The following RPS6KA2 variants were observed in gnomAD, a reference collection of about 807,000 sequenced individuals.
The protein encoded by RPS6KA2 is ribosomal protein S6 kinase alpha-2.
Under a neutral mutation model 91.8 loss-of-function variants are expected in RPS6KA2, and 42 were observed. The observed-to-expected ratio is 0.46, with a 90% CI of 0.36 to 0.59. RPS6KA2 has a LOEUF of 0.59. RPS6KA2 is among the 20% of genes least tolerant of loss of function. RPS6KA2 has a pLI of 0.00. For missense variants in RPS6KA2, 798 were observed against 978.5 expected (o/e 0.82, Z 2.46); for synonymous variants, 414 against 393.6 (o/e 1.05, Z -0.61).
Position 166,433,298 on chromosome 6 carries a change from G to A in RPS6KA2, c.1333-808C>T, listed in dbSNP as rs1023116836. Among the ~76,000 whole-genome samples, 4 of 150,670 alleles carry A rather than the reference G, an allele frequency of 2.7e-5. No homozygotes were observed. Among genetic ancestry groups the A allele is most frequent in the Non-Finnish European group, 4.4e-5 (3 of 67,776 alleles). On this transcript the variant is annotated intron_variant, in intron 14 of 20. Transcript: ENST00000265678. The surrounding 1 kb of genome is among the most constrained non-coding windows in gnomAD (Gnocchi z 4.4). The stretch of plus-strand genomic sequence containing the variant: ...AGACATATGCAAGCTCCCCTCCCCC[G>A]CCCAGCATCTGTATCCGATGTCTTA...
At chr6:166,483,459 C>T (rs549720128) in intron 10 of RPS6KA2, among the ~76,000 whole-genome samples, 3 of 152,262 alleles carry the variant, frequency 2.0e-5, no homozygotes, top group East Asian at 1.9e-4. Flanking sequence ...GAGGACGGCC[C>T]GCAAACGCTC....
At chr6:166,725,649 GT>G (rs1449243869) in intron 2 of RPS6KA2, among the ~76,000 whole-genome samples, 1 of 152,254 alleles carries the variant, frequency 6.6e-6, no homozygotes, top group Non-Finnish European at 1.5e-5. Flanking sequence ...GGGTGAGCCA[GT>G]GGGGGGTGGG....
intron 2 of RPS6KA2, among the ~76,000 whole-genome samples, chr6:166,796,365 C>T (rs1220935295): frequency 6.6e-6 from 1 of 152,036 alleles, no homozygotes; most frequent in African/African-American, 2.4e-5. Flanking sequence ...CCGAGGCGGG[C>T]GGATCACGAG....
intron 10 of RPS6KA2, 144 bp downstream of exon 10, chr6:166,488,689 A>G (rs1054080091): frequency 3.5e-5 from 21 of 602,382 alleles, no homozygotes; most frequent in Non-Finnish European, 5.6e-5. Flanking sequence ...CACTGGTACT[A>G]TTTCAACCTC....
At chr6:166,487,269 C>T (rs1781443799) in intron 10 of RPS6KA2, among the ~76,000 whole-genome samples, 1 of 152,178 alleles carries the variant, frequency 6.6e-6, no homozygotes, top group Non-Finnish European at 1.5e-5. Context: ...TCTGGATTGG[C>T]CTGCAGTGAC....
At chr6:166,568,724 C>A (rs944407216) in intron 1 of RPS6KA2, among the ~76,000 whole-genome samples, 1 of 150,632 alleles carries the variant, frequency 6.6e-6, no homozygotes, top group African/African-American at 2.4e-5. Flanking sequence ...GGAGACCCCA[C>A]TAACCAGGCA....
In RPS6KA2 at chr6:166,704,695, C is replaced by T. The variant is rs541030337; in HGVS notation, c.123+153505G>A. Among the ~76,000 whole-genome samples the T allele has an allele frequency of 6.6e-5, 10 of 152,274 alleles. No homozygotes were observed. In the East Asian group the frequency reaches 1.5e-3, roughly 24 times the overall value. ...CTCCTGGATCTTCACGCAAAAGAAA[C>T]GAGCACATGATGGTGACCTGGAACT... On this transcript the variant is annotated intron_variant, in intron 2 of 21. Transcript: ENST00000503859.
chr6:166,832,036 TGATA>T (rs58214863), intron 2 of RPS6KA2, among the ~76,000 whole-genome samples: 17,385 of 147,944 alleles, frequency 0.12, 1,223 homozygotes, highest in East Asian at 0.3. Context: ...AGATGATACA[TGATA>T]GATAGATAGA....
At position 166,459,460 on chromosome 6, in the gene RPS6KA2, C is replaced by T. The variant is rs367918929; in HGVS notation, c.1064G>A (p.Arg355Gln). Residue 355 changes from arginine (R) to glutamine (Q), a missense_variant, in exon 12 of 21, where the codon CGG (arginine) becomes CAG (glutamine). Transcript: ENST00000265678. This position sits in a 1 kb window ranked among gnomAD's most constrained non-coding sequence, Gnocchi z 4.9. ...TFHFDPEFTA[R>Q]TPTDSPGVPP... is the part of the protein sequence containing the mutation. ...ACTGTGGCACACACCTGTGGGCGTC[C>T]GCGCTGTGAACTCGGGGTCAAAGTG... 287 of 1,613,302 alleles carry T rather than the reference C, an allele frequency of 1.8e-4. No homozygotes were observed. Among genetic ancestry groups the T allele is most frequent in the Non-Finnish European group, 2.0e-4 (234 of 1,179,330 alleles).
intron 2 of RPS6KA2, among the ~76,000 whole-genome samples, chr6:166,660,054 G>A (rs995918158): frequency 4.6e-5 from 7 of 152,114 alleles, no homozygotes; most frequent in African/African-American, 1.7e-4. Flanking sequence ...ACCACACCTG[G>A]CCAATAATTA....
chr6:166,731,797 C>G (rs1450675410), intron 2 of RPS6KA2, among the ~76,000 whole-genome samples: 2 of 152,076 alleles, frequency 1.3e-5, no homozygotes, highest in Middle Eastern at 3.2e-3. Context: ...GCTCCACCAC[C>G]TAGATAGAAG....
chr6:166,855,489 G>A (rs1381528531), intron 2 of RPS6KA2, among the ~76,000 whole-genome samples: 6 of 126,274 alleles, frequency 4.8e-5, no homozygotes, highest in African/African-American at 1.6e-4. Context: ...AAGAAGAAGA[G>A]GAAGAAGAAG....
At chr6:166,744,141 C>G (rs189418909) in intron 2 of RPS6KA2, among the ~76,000 whole-genome samples, 1 of 152,202 alleles carries the variant, frequency 6.6e-6, no homozygotes, top group African/African-American at 2.4e-5. Flanking sequence ...CTAGTGTGGT[C>G]ACTCCCTTCC....
chr6:166,799,600 T>C (rs1779310862), intron 2 of RPS6KA2, among the ~76,000 whole-genome samples: 1 of 89,052 alleles, frequency 1.1e-5, no homozygotes, highest in Admixed American at 1.2e-4. Context: ...ATGTTTTTTT[T>C]TTTTTTAAAA....
At chr6:166,744,022 T>G (rs1256317865) in intron 2 of RPS6KA2, among the ~76,000 whole-genome samples, 1 of 151,956 alleles carries the variant, frequency 6.6e-6, no homozygotes, top group Admixed American at 6.5e-5. Context: ...CCGAGTGCAG[T>G]GCTGGGGCCC....
intron 1 of RPS6KA2, among the ~76,000 whole-genome samples, chr6:166,552,904 C>CA (rs1683140033): frequency 6.6e-6 from 1 of 152,230 alleles, no homozygotes; most frequent in African/African-American, 2.4e-5. Context: ...TGTATCCTGG[C>CA]AATGGCCACA....
intron 1 of RPS6KA2, among the ~76,000 whole-genome samples, chr6:166,560,502 C>T (rs1784311727): frequency 6.6e-6 from 1 of 152,194 alleles, no homozygotes; most frequent in African/African-American, 2.4e-5. Flanking sequence ...TGACACATTC[C>T]ATACATTTCG....
rs577007230 is a variant in RPS6KA2 at position 166,610,518 on chromosome 6, G to A, written c.99+16403C>T. 8.2e-4 allele frequency among the ~76,000 whole-genome samples: 125 copies of A among 152,304 alleles called. 1 individual carries two copies. Among genetic ancestry groups the A allele is most frequent in the African/African-American group, 2.8e-3 (118 of 41,566 alleles). ...TTCATGAGGCCAAACACTTAAATAT[G>A]CATTTAGCATAAAATGTGTTTCTGC... On this transcript the variant is annotated intron_variant, in intron 1 of 20. Coordinates refer to ENST00000265678, the MANE Select transcript of RPS6KA2 (RefSeq NM_021135.6).
chr6:166,783,787 T>G (rs1034107994), intron 2 of RPS6KA2, among the ~76,000 whole-genome samples: 1 of 142,042 alleles, frequency 7.0e-6, no homozygotes, highest in Admixed American at 6.9e-5. Context: ...TATCTATAAC[T>G]ACATATATAC....
Sources: allele counts gnomAD v4.1 joint callset (sites outside exome capture counted in the v4.1 genomes callset), GRCh38; gene constraint gnomAD v4.1.1; non-coding constraint Gnocchi (gnomAD v3.1); transcripts MANE v1.5; gene names NCBI Gene and HGNC (gene_info 2026-07-23, HGNC 2026-07-21).